The following SLC16A12 variants were observed in gnomAD, a reference collection of about 807,000 sequenced individuals.
SLC16A12 encodes monocarboxylate transporter 12.
A neutral mutation model predicts 42.4 loss-of-function variants in SLC16A12; 17 were observed. The ratio of observed to expected loss-of-function variants is 0.40; its 90% CI spans 0.27 to 0.60. SLC16A12 has a LOEUF of 0.60. Among genes scored for constraint, SLC16A12 ranks in the 20% least tolerant of loss-of-function variants. The pLI is 0.42. For missense variants in SLC16A12, 544 were observed against 623.0 expected (o/e 0.87, Z 1.35); for synonymous variants, 224 against 229.4 (o/e 0.98, Z 0.21).
At chr10:89,459,199 T>C (rs111682544) in intron 3 of SLC16A12, among the ~76,000 whole-genome samples, 1 of 152,194 alleles carries the variant, frequency 6.6e-6, no homozygotes, top group African/African-American at 2.4e-5. Context: ...GTAAGAGTAA[T>C]TTGGAGACAT....
At chr10:89,530,649 G>A (rs921321594) in intron 2 of SLC16A12, among the ~76,000 whole-genome samples, 4 of 152,112 alleles carry the variant, frequency 2.6e-5, no homozygotes, top group East Asian at 1.9e-4. Flanking sequence ...TCGATCTCCC[G>A]ACCTTGTGAT....
chr10:89,551,642 G>T (rs1281914100), intron 2 of SLC16A12, among the ~76,000 whole-genome samples: 1 of 152,100 alleles, frequency 6.6e-6, no homozygotes, highest in South Asian at 2.1e-4. Flanking sequence ...GAATCATGGG[G>T]GTGTTTTCCC....
intron 2 of SLC16A12, among the ~76,000 whole-genome samples, chr10:89,493,097 C>T (rs1196784524): frequency 1.3e-5 from 2 of 152,216 alleles, no homozygotes; most frequent in East Asian, 1.9e-4. Flanking sequence ...CTAAGCCAGC[C>T]TAGGAAAGAG....
At chr10:89,452,350 T>C (rs1009835409) in intron 3 of SLC16A12, among the ~76,000 whole-genome samples, 1 of 152,226 alleles carries the variant, frequency 6.6e-6, no homozygotes, top group Non-Finnish European at 1.5e-5. Flanking sequence ...TTGACTTCAG[T>C]GATTCCATAT....
At chr10:89,531,388 G>T (rs1028417425) in intron 2 of SLC16A12, among the ~76,000 whole-genome samples, 1 of 152,010 alleles carries the variant, frequency 6.6e-6, no homozygotes, top group Non-Finnish European at 1.5e-5. Context: ...ACAGAGCAAG[G>T]CTCTGTCTCA....
intron 7 of SLC16A12, 41 bp downstream of exon 7, chr10:89,436,019 C>T (rs748605452): frequency 1.2e-6 from 2 of 1,612,258 alleles, no homozygotes; most frequent in South Asian, 2.2e-5. Context: ...ATCAATATGC[C>T]AAAGAGAAAA....
intron 3 of SLC16A12, among the ~76,000 whole-genome samples, chr10:89,459,883 G>A (rs1842267817): frequency 6.6e-6 from 1 of 152,362 alleles, no homozygotes; most frequent in East Asian, 1.9e-4. Context: ...GGAGGTTGCA[G>A]TGAGCTGAGA....
intron 3 of SLC16A12, among the ~76,000 whole-genome samples, chr10:89,449,630 T>C (rs1413614882): frequency 6.6e-6 from 1 of 152,192 alleles, no homozygotes; most frequent in African/African-American, 2.4e-5. Flanking sequence ...AAGACTTAAA[T>C]GTTAGACCTA....
intron 2 of SLC16A12, among the ~76,000 whole-genome samples, chr10:89,554,064 G>GAA (rs1564607128): frequency 1.0e-5 from 1 of 97,940 alleles, no homozygotes; most frequent in South Asian, 3.9e-4. Context: ...AAGAAAGAAA[G>GAA]AAAGAAAGAA....
chr10:89,525,877 G>A (rs1483628995), intron 2 of SLC16A12, among the ~76,000 whole-genome samples: 1 of 152,146 alleles, frequency 6.6e-6, no homozygotes, highest in Non-Finnish European at 1.5e-5. Flanking sequence ...TAAGATACGG[G>A]GGAAATGTCT....
intron 2 of SLC16A12, among the ~76,000 whole-genome samples, chr10:89,542,896 A>G (rs1329768061): frequency 6.6e-6 from 1 of 152,144 alleles, no homozygotes; most frequent in East Asian, 1.9e-4. Context: ...ATGCTTCTCA[A>G]CACTAATGGG....
chr10:89,462,240 A>G (rs1409150092), intron 3 of SLC16A12, 139 bp downstream of exon 3: 4 of 1,170,356 alleles, frequency 3.4e-6, no homozygotes, highest in East Asian at 5.1e-5. Context: ...TGATACCTGA[A>G]GAGTCAACGG....
chr10:89,443,619 T>G, intron 4 of SLC16A12, 137 bp downstream of exon 4: 1 of 703,208 alleles, frequency 1.4e-6, no homozygotes, highest in Non-Finnish European at 2.5e-6. Flanking sequence ...ATCTTTTCTT[T>G]ATATTATATA....
intron 2 of SLC16A12, among the ~76,000 whole-genome samples, chr10:89,502,368 T>C (rs1380574285): frequency 6.6e-6 from 1 of 151,910 alleles, no homozygotes; most frequent in Non-Finnish European, 1.5e-5. Flanking sequence ...AAGAATTGCT[T>C]GAACCCAGGA....
At chr10:89,534,096 T>C (rs79868835) in intron 2 of SLC16A12, among the ~76,000 whole-genome samples, 7,370 of 152,256 alleles carry the variant, frequency 0.048, 383 homozygotes, top group East Asian at 0.29. Flanking sequence ...AGCCTTTCAG[T>C]TTCAAAGTTT....
intron 3 of SLC16A12, among the ~76,000 whole-genome samples, chr10:89,445,055 T>C (rs888691304): frequency 2.6e-5 from 4 of 152,254 alleles, no homozygotes; most frequent in Non-Finnish European, 4.4e-5. Flanking sequence ...GAGGGGCATC[T>C]GCCATTGCTG....
chr10:89,508,877 T>C (rs570288437), intron 2 of SLC16A12, among the ~76,000 whole-genome samples: 2 of 152,016 alleles, frequency 1.3e-5, no homozygotes, highest in South Asian at 4.2e-4. Flanking sequence ...ATAGACAGAA[T>C]AAAAAATGAT....
intron 3 of SLC16A12, among the ~76,000 whole-genome samples, chr10:89,456,841 G>T (rs1435231106): frequency 1.3e-5 from 2 of 152,054 alleles, no homozygotes; most frequent in Non-Finnish European, 2.9e-5. Flanking sequence ...TGAGGTTAAT[G>T]GCTTCCAGCT....
At chr10:89,529,674 A>C (rs946228720) in intron 2 of SLC16A12, among the ~76,000 whole-genome samples, 1 of 151,358 alleles carries the variant, frequency 6.6e-6, no homozygotes, top group African/African-American at 2.4e-5. Flanking sequence ...CAGCCCCCCT[A>C]GTAGCTGGGA....
Sources: allele counts gnomAD v4.1 joint callset (sites outside exome capture counted in the v4.1 genomes callset), GRCh38; gene constraint gnomAD v4.1.1; transcripts MANE v1.5; gene names NCBI Gene and HGNC (gene_info 2026-07-23, HGNC 2026-07-21).